CIBAR2: variants seen among roughly 807,000 people sequenced by gnomAD.
CIBAR2 encodes the protein CBY1-interacting BAR domain-containing protein 2.
CIBAR2 carries 38 observed loss-of-function variants against 36.2 expected under a neutral mutation model. That is an observed-to-expected ratio of 1.05 (90% CI 0.81 to 1.38). CIBAR2 has a LOEUF of 1.38. Ranked by LOEUF, CIBAR2 falls within the 40% of genes most tolerant of loss-of-function variation. The pLI is 0.00. For synonymous variants in CIBAR2, 182 were observed against 149.5 expected (o/e 1.22, Z -1.58); for missense variants, 481 against 383.4 (o/e 1.25, Z -2.13).
At chr16:85,100,875 G>T (rs1183218263) in intron 7 of CIBAR2, among the ~76,000 whole-genome samples, 2 of 152,056 alleles carry the variant, frequency 1.3e-5, no homozygotes, top group East Asian at 3.9e-4. Context: ...GTGAAACCCC[G>T]TCTCTACTAA....
At chr16:85,107,526 G>C (rs141803138) in intron 5 of CIBAR2, 141 bp downstream of exon 5, 2 of 858,524 alleles carry the variant, frequency 2.3e-6, no homozygotes, top group African/African-American at 1.7e-5. Flanking sequence ...CTTTTTACTG[G>C]TACCTTTGGC....
intron 2 of CIBAR2, among the ~76,000 whole-genome samples, chr16:85,108,574 A>G (rs2074016203): frequency 6.6e-6 from 1 of 152,162 alleles, no homozygotes; most frequent in Non-Finnish European, 1.5e-5. Context: ...ACAAGACTTT[A>G]TTGAGAGTCA....
rs767003825 is a variant in CIBAR2 at position 85,110,206 on chromosome 16, C to G, written c.255+20G>C. ...CCTGGGTACCCCTCAGCATCCCAGA[C>G]CCGGGCCGGCAGCACTCACCTGGGC... On this transcript the variant is annotated intron_variant, in intron 2 of 8. Coordinates refer to ENST00000539556, the MANE Select transcript of CIBAR2 (RefSeq NM_198491.3). 3.3e-6 allele frequency: 5 copies of G among 1,530,646 alleles called. No homozygotes were observed. The African/African-American group carries it at 6.9e-5, about 21-fold the overall frequency. 94.8% of individuals were successfully genotyped at this position (1,530,646 alleles called of 1,614,324 possible).
In CIBAR2 at chr16:85,099,220, C is replaced by T. The variant is rs375070462; in HGVS notation, c.880G>A (p.Gly294Ser). The T allele has an allele frequency of 4.3e-5, 69 of 1,604,744 alleles. No homozygotes were observed. The highest frequency in any genetic ancestry group is 1.6e-4 in the East Asian group (7 of 44,514). Residue 294 changes from glycine to serine, a missense_variant, in exon 9 of 9, where the codon GGT becomes AGT. Coordinates refer to ENST00000539556, the MANE Select transcript of CIBAR2 (RefSeq NM_198491.3). Reference sequence around the variant, plus strand: ...TGTCCTGGAAGCATGAGATGCCCACCCTGCCCACACACACAGTGGGCTGGC... The same window carrying T: ...TGTCCTGGAAGCATGAGATGCCCACTCTGCCCACACACACAGTGGGCTGGC... ...GQPAHCVCGQ[G>S]GHLMLPGHSL
chr16:85,107,913 T>C lies in CIBAR2; in HGVS notation c.359A>G (p.His120Arg). ...EIKKFKHVQNHEIKQLEKLEK... is the reference protein window; with the variant it reads ...EIKKFKHVQNREIKQLEKLEK... ...CAGTTTTTCCAGTTGTTTGATCTCA[T>C]GATTTTGGACATGTTTGAATTTCTT... is the stretch of plus-strand genomic sequence containing the variant. Residue 120 changes from histidine to arginine, a missense_variant, in exon 4 of 9, where the codon CAT becomes CGT. By Grantham distance (29) the His-to-Arg change is conservative (BLOSUM62 0). Coordinates refer to ENST00000539556, the MANE Select transcript of CIBAR2 (RefSeq NM_198491.3). 1.2e-6 allele frequency: 2 copies of C among 1,614,186 alleles called. No individual in the cohort carries two copies. Among genetic ancestry groups the C allele is most frequent in the South Asian group, 2.2e-5 (2 of 91,080 alleles).
intron 2 of CIBAR2, among the ~76,000 whole-genome samples, chr16:85,108,639 G>A (rs372627904): frequency 1.1e-3 from 167 of 152,300 alleles, no homozygotes; most frequent in African/African-American, 3.9e-3. Context: ...TTGGGAGGCC[G>A]AGGCGGGCAG....
Position 85,112,377 on chromosome 16 carries a change from G to A in CIBAR2, c.-25C>T, listed in dbSNP as rs367820907. 135 of 1,612,674 alleles carry A rather than the reference G, an allele frequency of 8.4e-5. No homozygotes were observed. The highest frequency in any genetic ancestry group is 2.2e-4 in the Admixed American group (13 of 60,008). On this transcript the variant is annotated 5_prime_UTR_variant, in exon 1 of 9. Coordinates refer to ENST00000539556, the MANE Select transcript of CIBAR2 (RefSeq NM_198491.3). ...TTGTGACCAGAGCTTTGGCTGTCCC[G>A]GTGCTGGGGAATAAGGACAGGGCCC...
intron 1 of CIBAR2, 71 bp from the exon 2 acceptor site, chr16:85,110,531 A>G: frequency 8.4e-7 from 1 of 1,197,086 alleles, no homozygotes; most frequent in Non-Finnish European, 1.2e-6. Context: ...AAGAGCAGAC[A>G]ATAGCTATGA....
Position 85,099,201 on chromosome 16 carries a change from G to C in CIBAR2, c.899C>G (p.Pro300Arg). 6.3e-7 allele frequency: 1 copy of C among 1,593,584 alleles called. No homozygotes were observed. Among genetic ancestry groups the C allele is most frequent in the Non-Finnish European group, 8.5e-7 (1 of 1,171,040 alleles). ...CCTACGTCGTTAGAGAGAATGTCCT[G>C]GAAGCATGAGATGCCCACCCTGCCC... Reference protein sequence around the residue: ...VCGQGGHLMLPGHSL With the variant: ...VCGQGGHLMLRGHSL The change falls in exon 9 of 9, where the codon CCA (proline) becomes CGA (arginine). Residue 300 changes from proline to arginine, a missense_variant. Transcript: ENST00000539556.
intron 7 of CIBAR2, 135 bp downstream of exon 7, chr16:85,102,079 C>T (rs539226840): frequency 1.6e-5 from 10 of 614,334 alleles, no homozygotes; most frequent in Middle Eastern, 2.6e-4. Flanking sequence ...ATATTGACAA[C>T]GCTTCATCAG....
chr16:85,112,319 G>T lies in CIBAR2; in HGVS notation c.20+14C>A, dbSNP rs781573741. ...CCACCTCCCTCACAGCCAGGCTGGC[G>T]CTGGCCCACTCACCTGGAGAAGACG... On this transcript the variant is annotated intron_variant, in intron 1 of 8. Transcript: ENST00000539556. 1.5e-5 allele frequency: 24 copies of T among 1,613,530 alleles called. No homozygotes were observed. Among genetic ancestry groups the T allele is most frequent in the Admixed American group, 8.3e-5 (5 of 60,028 alleles).
At position 85,100,266 on chromosome 16, in the gene CIBAR2, G is replaced by T. The variant is rs3764278; in HGVS notation, c.652-26C>A. ...CTGCCGGGGAGAGACCAGGGTGGGT[G>T]GGATCCGATGGGAAAACACAGCGTG... On this transcript the variant is annotated intron_variant, in intron 7 of 8. Transcript: ENST00000539556. 5 of 1,508,424 alleles carry T rather than the reference G, an allele frequency of 3.3e-6. No homozygotes were observed. The African/African-American group carries it at 4.1e-5, about 12-fold the overall frequency. The allele number at this position is 1,508,424 out of a possible 1,614,324, so 93.4% of individuals were successfully genotyped here.
Position 85,107,860 on chromosome 16 carries a change from C to A in CIBAR2, c.412G>T (p.Asp138Tyr). The change falls in exon 4 of 9, where the codon GAT becomes TAT. Residue 138 changes from aspartate to tyrosine, a missense_variant. Transcript: ENST00000539556. ...LEKLRQKSPS[D>Y]QQMISQAETR... Reference sequence around the variant, plus strand: ...GGGAAGGATACGATCATTTGCTGATCCGAGGGTGACTTCTGCCTCAGTTTC... The same window carrying A: ...GGGAAGGATACGATCATTTGCTGATACGAGGGTGACTTCTGCCTCAGTTTC... 6.2e-7 allele frequency: 1 copy of A among 1,613,842 alleles called. No individual in the cohort carries two copies.
intron 2 of CIBAR2, among the ~76,000 whole-genome samples, chr16:85,109,443 G>A (rs1329236767): frequency 6.6e-6 from 1 of 152,178 alleles, no homozygotes; most frequent in East Asian, 1.9e-4. Flanking sequence ...GTTTCTGTCT[G>A]TGCGATCTTT....
At chr16:85,112,250 C>T in intron 1 of CIBAR2, 83 bp downstream of exon 1, 3 of 1,261,954 alleles carry the variant, frequency 2.4e-6, no homozygotes, top group South Asian at 1.2e-5. Flanking sequence ...GCAGGCCCTG[C>T]TGCCCTCATC....
At chr16:85,105,083 C>T (rs1468073023) in intron 6 of CIBAR2, among the ~76,000 whole-genome samples, 1 of 152,258 alleles carries the variant, frequency 6.6e-6, no homozygotes, top group African/African-American at 2.4e-5. Flanking sequence ...TAGGGCCACC[C>T]AGTGGCTTCC....
Position 85,099,195 on chromosome 16 carries a change from T to G in CIBAR2, c.905A>C (p.His302Pro). 1 of 1,579,732 alleles carries G rather than the reference T, an allele frequency of 6.3e-7. No individual in the cohort carries two copies. Among genetic ancestry groups the G allele is most frequent in the Non-Finnish European group, 8.6e-7 (1 of 1,164,386 alleles). The change falls in exon 9 of 9, where the codon CAT becomes CCT. Residue 302 changes from histidine to proline, a missense_variant. Transcript: ENST00000539556. ...ACTTACCCTACGTCGTTAGAGAGAA[T>G]GTCCTGGAAGCATGAGATGCCCACC... is the stretch of plus-strand genomic sequence containing the variant. ...GQGGHLMLPG[H>P]SL is the part of the protein sequence containing the mutation.
At position 85,098,684 on chromosome 16, in the gene CIBAR2, A is replaced by AAAT. The variant is rs200393221; in HGVS notation, c.*498_*500dup. 344 of 940,258 alleles carry AAAT rather than the reference A, an allele frequency of 3.7e-4. 2 individuals carry two copies. In the African/African-American group the frequency reaches 5.7e-3, roughly 16 times the overall value. 58.2% of individuals were successfully genotyped at this position (940,258 alleles called of 1,614,324 possible). On this transcript the variant is annotated 3_prime_UTR_variant, in exon 9 of 9. Transcript: ENST00000539556. ...CTCCATATGGTGCTCTGAGCACTCTAAATAATAATAATAATAAAACGACAG... is the reference window on the plus strand; with the variant it reads ...CTCCATATGGTGCTCTGAGCACTCTAAATAATAATAATAATAATAAAACGACAG...
intron 6 of CIBAR2, 104 bp downstream of exon 6, chr16:85,105,223 T>C (rs2073985932): frequency 1.4e-6 from 1 of 708,922 alleles, no homozygotes. Context: ...CACAGACCCA[T>C]ACACACTCAT....
Sources: gnomAD v4.1 joint callset for allele counts (sites outside exome capture counted in the v4.1 genomes callset) on GRCh38, gnomAD v4.1.1 for gene constraint, MANE v1.5 for transcripts, NCBI Gene and HGNC (gene_info 2026-07-23, HGNC 2026-07-21) for gene names.